Variants in ZEB1 observed in about 807,000 individuals in gnomAD.
ZEB1 encodes zinc finger E-box-binding homeobox 1.
A neutral mutation model predicts 84.9 loss-of-function variants in ZEB1; 21 were observed. The observed-to-expected ratio is 0.25, with a 90% confidence interval of 0.18 to 0.36. ZEB1 has a LOEUF of 0.36. Among genes scored for constraint, ZEB1 ranks in the 10% least tolerant of loss-of-function variants. The pLI is 1.00. For missense variants in ZEB1, 1,104 were observed against 1,330.2 expected (o/e 0.83, Z 2.65); for synonymous variants, 420 against 471.1 (o/e 0.89, Z 1.41).
chr10:31,352,652 G>T (rs2041506618), intron 1 of ZEB1, among the ~76,000 whole-genome samples: 1 of 152,176 alleles, frequency 6.6e-6, no homozygotes. Flanking sequence ...ACAGTTGGGG[G>T]TGGCCTGGGT....
At chr10:31,449,393 G>A (rs141717888) in intron 1 of ZEB1, among the ~76,000 whole-genome samples, 1 of 152,232 alleles carries the variant, frequency 6.6e-6, no homozygotes, top group African/African-American at 2.4e-5. Flanking sequence ...CACGCTGGGA[G>A]CTGTAGACTG....
intron 1 of ZEB1, among the ~76,000 whole-genome samples, chr10:31,388,353 T>C (rs2049014001): frequency 6.6e-6 from 1 of 152,152 alleles, no homozygotes; most frequent in South Asian, 2.1e-4. Flanking sequence ...CTACAAAATG[T>C]GAACTTCTTA....
chr10:31,382,446 G>T (rs2047861609), intron 1 of ZEB1, among the ~76,000 whole-genome samples: 1 of 152,012 alleles, frequency 6.6e-6, no homozygotes, highest in Admixed American at 6.6e-5. Context: ...TACAAAATTT[G>T]TCCCATCTGT....
intron 1 of ZEB1, among the ~76,000 whole-genome samples, chr10:31,444,073 T>C (rs1029476245): frequency 1.0e-3 from 156 of 151,190 alleles, no homozygotes; most frequent in African/African-American, 3.7e-3. Flanking sequence ...CTCCAGCACC[T>C]GTTGTTTCCT....
chr10:31,492,101 A>G (rs2066613612), intron 2 of ZEB1, among the ~76,000 whole-genome samples: 1 of 151,890 alleles, frequency 6.6e-6, no homozygotes, highest in East Asian at 1.9e-4. Flanking sequence ...GGCCTTTTAA[A>G]AATCTGTGGA....
intron 1 of ZEB1, among the ~76,000 whole-genome samples, chr10:31,397,426 A>T (rs1430295806): frequency 6.6e-6 from 1 of 152,124 alleles, no homozygotes; most frequent in African/African-American, 2.4e-5. Flanking sequence ...AGGACAGCTC[A>T]ATTGCCTTTT....
chr10:31,487,068 A>G (rs888956897), intron 2 of ZEB1, among the ~76,000 whole-genome samples: 7 of 151,384 alleles, frequency 4.6e-5, no homozygotes, highest in African/African-American at 1.7e-4. Context: ...TTAATTGTCT[A>G]TATTTATGTG....
intron 2 of ZEB1, among the ~76,000 whole-genome samples, chr10:31,483,321 T>C (rs1047412031): frequency 7.9e-5 from 12 of 151,978 alleles, no homozygotes; most frequent in Non-Finnish European, 1.6e-4. Flanking sequence ...ATAAGGAAAA[T>C]GAGGCTCAGA....
At chr10:31,392,286 C>G (rs1231962010) in intron 1 of ZEB1, among the ~76,000 whole-genome samples, 6 of 152,096 alleles carry the variant, frequency 3.9e-5, no homozygotes, top group Non-Finnish European at 8.8e-5. Flanking sequence ...TCTTCAAATT[C>G]TGTCTCCAAA....
chr10:31,507,570 C>T (rs967182015), intron 4 of ZEB1, among the ~76,000 whole-genome samples: 4 of 151,862 alleles, frequency 2.6e-5, no homozygotes, highest in African/African-American at 9.7e-5. Flanking sequence ...AAAGACCTGT[C>T]TTCAAGTTCT....
intron 1 of ZEB1, among the ~76,000 whole-genome samples, chr10:31,402,113 T>C (rs891625667): frequency 4.2e-5 from 6 of 142,376 alleles, no homozygotes; most frequent in South Asian, 2.1e-4. Flanking sequence ...GTTGTTGCTG[T>C]TGTTGTTGTT....
At chr10:31,331,365 CGTGA>C (rs2036750842) in intron 1 of ZEB1, among the ~76,000 whole-genome samples, 1 of 152,066 alleles carries the variant, frequency 6.6e-6, no homozygotes, top group Non-Finnish European at 1.5e-5. Flanking sequence ...GGATTACAGG[CGTGA>C]GCCACCACGC....
chr10:31,447,571 T>A (rs1465993987), intron 1 of ZEB1, among the ~76,000 whole-genome samples: 20 of 137,186 alleles, frequency 1.5e-4, no homozygotes, highest in Admixed American at 1.2e-3. Context: ...CCTTTCCATG[T>A]TTAGTGCTTC....
chr10:31,463,227 A>G (rs909496260), intron 2 of ZEB1, among the ~76,000 whole-genome samples: 1 of 152,188 alleles, frequency 6.6e-6, no homozygotes, highest in African/African-American at 2.4e-5. Context: ...GGAGAAAGGA[A>G]GGTGAAAAAA....
intron 2 of ZEB1, among the ~76,000 whole-genome samples, chr10:31,473,446 A>G (rs2063579961): frequency 6.6e-6 from 1 of 151,940 alleles, no homozygotes; most frequent in African/African-American, 2.4e-5. Context: ...TCATGAGTGA[A>G]CTCCCATTCA....
chr10:31,473,448 T>C lies in ZEB1; in HGVS notation c.259+12211T>C, dbSNP rs1315679160. 5.3e-5 allele frequency among the ~76,000 whole-genome samples: 8 copies of C among 151,874 alleles called. No homozygotes were observed. In the South Asian group the frequency reaches 1.5e-3, roughly 28 times the overall value. ...ACAGAGAGCCAAATCATGAGTGAAC[T>C]CCCATTCACAATTGCTTCAAACAGA... On this transcript the variant is annotated intron_variant, in intron 2 of 8. Transcript: ENST00000424869.
At chr10:31,412,770 A>G (rs929009029) in intron 1 of ZEB1, among the ~76,000 whole-genome samples, 4 of 152,188 alleles carry the variant, frequency 2.6e-5, no homozygotes, top group African/African-American at 9.6e-5. Context: ...CTTTTCAGAA[A>G]GTTTCTCCTG....
intron 1 of ZEB1, among the ~76,000 whole-genome samples, chr10:31,407,259 C>T (rs1279910342): frequency 5.7e-5 from 7 of 123,616 alleles, no homozygotes; most frequent in African/African-American, 2.1e-4. Context: ...CCCCACCCCA[C>T]CACAGTCCCC....
chr10:31,393,687 T>C (rs1039731329), intron 1 of ZEB1, among the ~76,000 whole-genome samples: 1 of 152,190 alleles, frequency 6.6e-6, no homozygotes, highest in Non-Finnish European at 1.5e-5. Context: ...TGACTAAAAC[T>C]TTATGATTTT....
Sources: gnomAD v4.1 joint callset for allele counts (sites outside exome capture counted in the v4.1 genomes callset) on GRCh38, gnomAD v4.1.1 for gene constraint, MANE v1.5 for transcripts, NCBI Gene and HGNC (gene_info 2026-07-23, HGNC 2026-07-21) for gene names.